Variants in CTNND2 observed in about 807,000 individuals in gnomAD.
CTNND2 encodes the protein catenin delta-2.
Under a neutral mutation model 144.4 loss-of-function variants are expected in CTNND2, and 22 were observed. The ratio of observed to expected loss-of-function variants is 0.15; its 90% CI spans 0.11 to 0.22. The LOEUF is 0.22. CTNND2 is among the 10% of genes least tolerant of loss of function. CTNND2 has a pLI of 1.00. For missense variants in CTNND2, 1,353 were observed against 1,618.8 expected (o/e 0.84, Z 2.82); for synonymous variants, 751 against 695.6 (o/e 1.08, Z -1.25).
At chr5:11,416,009 G>A (rs774986056) in intron 3 of CTNND2, among the ~76,000 whole-genome samples, 2 of 152,100 alleles carry the variant, frequency 1.3e-5, no homozygotes, top group African/African-American at 2.4e-5. Context: ...TTAAAACTCT[G>A]TAATTAGAGG....
At chr5:11,343,527 A>G (rs907720812) in intron 9 of CTNND2, among the ~76,000 whole-genome samples, 5 of 152,246 alleles carry the variant, frequency 3.3e-5, no homozygotes, top group African/African-American at 1.2e-4. Context: ...TCTGAAAAAA[A>G]ATCATAAATA....
At chr5:11,894,188 C>T (rs779262713) in intron 1 of CTNND2, among the ~76,000 whole-genome samples, 1 of 150,936 alleles carries the variant, frequency 6.6e-6, no homozygotes, top group Non-Finnish European at 1.5e-5. Context: ...AGGTGCCAGA[C>T]GCGGCAGCCC....
chr5:11,554,624 G>A (rs1776056468), intron 3 of CTNND2, among the ~76,000 whole-genome samples: 1 of 152,028 alleles, frequency 6.6e-6, no homozygotes. Context: ...CTGGCCTAGG[G>A]AAACTGCTCA....
At chr5:11,328,297 T>C (rs2149711457) in intron 9 of CTNND2, among the ~76,000 whole-genome samples, 1 of 151,840 alleles carries the variant, frequency 6.6e-6, no homozygotes, top group South Asian at 2.1e-4. Flanking sequence ...TTCTTTTTTT[T>C]TTTTTTTTTC....
intron 3 of CTNND2, among the ~76,000 whole-genome samples, chr5:11,414,831 G>T (rs891989541): frequency 6.6e-6 from 1 of 152,118 alleles, no homozygotes; most frequent in African/African-American, 2.4e-5. Flanking sequence ...GCTCCCACTT[G>T]TAAGTGAGAA....
At chr5:11,190,849 A>G (rs1409815332) in intron 11 of CTNND2, among the ~76,000 whole-genome samples, 1 of 152,228 alleles carries the variant, frequency 6.6e-6, no homozygotes, top group Non-Finnish European at 1.5e-5. Flanking sequence ...GAATGGTAGA[A>G]AAGCATATTG....
At chr5:11,770,593 T>A (rs1004257015) in intron 1 of CTNND2, among the ~76,000 whole-genome samples, 5 of 152,138 alleles carry the variant, frequency 3.3e-5, no homozygotes, top group Admixed American at 2.0e-4. Context: ...CAGAGTAGGC[T>A]GACATCTTCC....
At chr5:11,518,544 A>T (rs922016145) in intron 3 of CTNND2, among the ~76,000 whole-genome samples, 3 of 152,104 alleles carry the variant, frequency 2.0e-5, no homozygotes, top group Admixed American at 6.6e-5. Flanking sequence ...CTTCACATTC[A>T]CTCACCACTC....
intron 9 of CTNND2, among the ~76,000 whole-genome samples, chr5:11,304,838 A>G (rs1750009334): frequency 6.6e-6 from 1 of 152,142 alleles, no homozygotes; most frequent in Admixed American, 6.5e-5. Context: ...TGTTCTCTCC[A>G]TCTGCTGGGA....
chr5:11,738,177 A>G (rs1362879484), intron 1 of CTNND2, among the ~76,000 whole-genome samples: 2 of 152,220 alleles, frequency 1.3e-5, no homozygotes, highest in African/African-American at 2.4e-5. Context: ...GCTTCAAATC[A>G]GCATACCGGG....
At chr5:11,584,737 T>C (rs1224928888) in intron 2 of CTNND2, among the ~76,000 whole-genome samples, 2 of 152,160 alleles carry the variant, frequency 1.3e-5, no homozygotes, top group Non-Finnish European at 2.9e-5. Context: ...AAGCTAGTAT[T>C]AGATATGGCC....
At chr5:11,599,515 G>A (rs187712276) in intron 2 of CTNND2, among the ~76,000 whole-genome samples, 85 of 152,152 alleles carry the variant, frequency 5.6e-4, no homozygotes, top group African/African-American at 1.4e-3. Flanking sequence ...GAAGTTGCCC[G>A]CAATAGTTCT....
chr5:11,554,192 T>C (rs1776018619), intron 3 of CTNND2, among the ~76,000 whole-genome samples: 1 of 152,172 alleles, frequency 6.6e-6, no homozygotes, highest in Non-Finnish European at 1.5e-5. Context: ...AATGATAACA[T>C]AAACTCTTAA....
intron 10 of CTNND2, among the ~76,000 whole-genome samples, chr5:11,209,893 G>A (rs1050812776): frequency 6.6e-6 from 1 of 152,148 alleles, no homozygotes; most frequent in African/African-American, 2.4e-5. Context: ...CTGCACTCCA[G>A]CCTGGGAGAC....
At chr5:11,099,951 C>G (rs969746456) in intron 14 of CTNND2, among the ~76,000 whole-genome samples, 7 of 151,928 alleles carry the variant, frequency 4.6e-5, no homozygotes, top group African/African-American at 1.7e-4. Context: ...GCTAAATGTA[C>G]TTACAGATAT....
intron 1 of CTNND2, among the ~76,000 whole-genome samples, chr5:11,838,728 A>C (rs970188669): frequency 4.6e-5 from 7 of 152,176 alleles, no homozygotes; most frequent in Non-Finnish European, 1.0e-4. Context: ...ACATTGCATC[A>C]ATTTAAGAGA....
chr5:11,238,699 G>GAT (rs992625471), intron 9 of CTNND2, among the ~76,000 whole-genome samples: 7 of 151,962 alleles, frequency 4.6e-5, no homozygotes, highest in East Asian at 1.9e-4. Flanking sequence ...TACACACACA[G>GAT]ATATATATAC....
intron 9 of CTNND2, among the ~76,000 whole-genome samples, chr5:11,248,754 G>C (rs1743265730): frequency 6.6e-6 from 1 of 152,224 alleles, no homozygotes; most frequent in Non-Finnish European, 1.5e-5. Flanking sequence ...GTTTCTGGAA[G>C]TGAGAACGTG....
chr5:11,691,029 G>T (rs1301839487), intron 2 of CTNND2, among the ~76,000 whole-genome samples: 1 of 152,110 alleles, frequency 6.6e-6, no homozygotes, highest in Admixed American at 6.5e-5. Context: ...ATCTAACAGT[G>T]AGGCTCCCCA....
Sources: gnomAD v4.1 joint callset for allele counts (sites outside exome capture counted in the v4.1 genomes callset) on GRCh38, gnomAD v4.1.1 for gene constraint, MANE v1.5 for transcripts, NCBI Gene and HGNC (gene_info 2026-07-23, HGNC 2026-07-21) for gene names.